Variants in EEFSEC observed in about 807,000 individuals in gnomAD.
The protein encoded by EEFSEC is eukaryotic elongation factor, selenocysteine-tRNA specific.
In EEFSEC, 43 loss-of-function variants were observed where a neutral mutation model predicts 42.1. That is an observed-to-expected ratio of 1.02 (90% CI 0.80 to 1.32). The LOEUF is 1.32. Ranked by LOEUF, EEFSEC falls within the 40% of genes most tolerant of loss-of-function variation. EEFSEC has a pLI of 0.00. For synonymous variants in EEFSEC, 354 were observed against 339.1 expected (o/e 1.04, Z -0.48); for missense variants, 745 against 803.6 (o/e 0.93, Z 0.88).
chr3:128,387,624 C>A (rs2067856972), intron 6 of EEFSEC, among the ~76,000 whole-genome samples: 1 of 152,102 alleles, frequency 6.6e-6, no homozygotes, highest in Non-Finnish European at 1.5e-5. Context: ...GGAGAGGAGG[C>A]TATGGACTGG....
chr3:128,378,261 AG>A (rs1212600685), intron 6 of EEFSEC, among the ~76,000 whole-genome samples: 1 of 152,178 alleles, frequency 6.6e-6, no homozygotes, highest in African/African-American at 2.4e-5. Context: ...CCCCATGCTG[AG>A]TCACGAACCC....
At chr3:128,301,250 G>T (rs537965228) in intron 4 of EEFSEC, among the ~76,000 whole-genome samples, 16 of 152,240 alleles carry the variant, frequency 1.1e-4, no homozygotes, top group African/African-American at 3.4e-4. Context: ...TAACTGGGAG[G>T]CCCCGCAGCT....
chr3:128,167,708 T>C (rs2065255282), intron 1 of EEFSEC, among the ~76,000 whole-genome samples: 1 of 152,204 alleles, frequency 6.6e-6, no homozygotes, highest in African/African-American at 2.4e-5. Flanking sequence ...GGCCCTGTTG[T>C]TTTAGAGAAG....
intron 4 of EEFSEC, among the ~76,000 whole-genome samples, chr3:128,291,180 C>T (rs946198369): frequency 6.6e-6 from 1 of 151,932 alleles, no homozygotes; most frequent in Non-Finnish European, 1.5e-5. Context: ...TATTATTTGA[C>T]ACTGTTGAAA....
intron 6 of EEFSEC, among the ~76,000 whole-genome samples, chr3:128,385,042 T>C (rs1260079755): frequency 6.6e-6 from 1 of 152,178 alleles, no homozygotes; most frequent in East Asian, 1.9e-4. Flanking sequence ...CCAAACCCCA[T>C]AGATGTCAGG....
chr3:128,384,768 C>T (rs1453238915), intron 6 of EEFSEC, among the ~76,000 whole-genome samples: 3 of 152,174 alleles, frequency 2.0e-5, no homozygotes, highest in Admixed American at 2.0e-4. Flanking sequence ...ATTTGCTGGG[C>T]TAGTGCACAG....
At chr3:128,362,963 G>A (rs147921803) in intron 6 of EEFSEC, among the ~76,000 whole-genome samples, 77 of 152,196 alleles carry the variant, frequency 5.1e-4, no homozygotes, top group African/African-American at 1.8e-3. Context: ...ACAAATTAAT[G>A]TACTCCAGAT....
chr3:128,190,999 G>A (rs1403075888), intron 1 of EEFSEC, among the ~76,000 whole-genome samples: 2 of 151,630 alleles, frequency 1.3e-5, no homozygotes, highest in Admixed American at 1.3e-4. Flanking sequence ...TGTAGCCTAG[G>A]AGCAATAGGC....
the EEFSEC span, among the ~76,000 whole-genome samples, chr3:128,425,423 CT>C: frequency 6.6e-6 from 1 of 152,192 alleles, no homozygotes; most frequent in South Asian, 2.1e-4. Context: ...ACTCGGGCTG[CT>C]TCCAGTTTGG....
At chr3:128,206,193 T>C (rs2065695021) in intron 1 of EEFSEC, among the ~76,000 whole-genome samples, 1 of 152,162 alleles carries the variant, frequency 6.6e-6, no homozygotes, top group South Asian at 2.1e-4. Context: ...GGAACACCTT[T>C]CTGGGAAGAG....
intron 4 of EEFSEC, among the ~76,000 whole-genome samples, chr3:128,284,253 CT>C (rs993778773): frequency 6.6e-6 from 1 of 152,200 alleles, no homozygotes; most frequent in Non-Finnish European, 1.5e-5. Flanking sequence ...GTATTTCATA[CT>C]CCCGCCTTTC....
intron 6 of EEFSEC, among the ~76,000 whole-genome samples, chr3:128,402,263 G>A (rs1277524075): frequency 1.3e-5 from 2 of 152,158 alleles, no homozygotes; most frequent in African/African-American, 4.8e-5. Flanking sequence ...TTCATCCCAG[G>A]GCTGCAGCAG....
intron 1 of EEFSEC, among the ~76,000 whole-genome samples, chr3:128,219,260 T>TA (rs1559873511): frequency 6.6e-6 from 1 of 152,244 alleles, no homozygotes; most frequent in Admixed American, 6.5e-5. Context: ...TGTCCTTTGA[T>TA]ATACATTGTC....
chr3:128,425,355 T>G, the EEFSEC span, among the ~76,000 whole-genome samples: 1 of 152,234 alleles, frequency 6.6e-6, no homozygotes, highest in Admixed American at 6.5e-5. Flanking sequence ...CTTGGGTCAC[T>G]GAGCAGGGCC....
intron 4 of EEFSEC, among the ~76,000 whole-genome samples, chr3:128,338,987 G>A (rs1411353757): frequency 2.6e-5 from 4 of 152,190 alleles, no homozygotes; most frequent in African/African-American, 4.8e-5. Context: ...TTAGAAAGCC[G>A]CACAGGCTGC....
At chr3:128,178,306 A>G (rs953153631) in intron 1 of EEFSEC, among the ~76,000 whole-genome samples, 28 of 152,228 alleles carry the variant, frequency 1.8e-4, no homozygotes, top group African/African-American at 6.8e-4. Context: ...GAAAATTTCT[A>G]GCATATAAAG....
chr3:128,272,051 A>G (rs1020740196), intron 4 of EEFSEC, among the ~76,000 whole-genome samples: 1 of 152,186 alleles, frequency 6.6e-6, no homozygotes, highest in African/African-American at 2.4e-5. Flanking sequence ...TAGGAAACAG[A>G]TAGGCTCAGG....
chr3:128,155,036 A>G (rs1182354354), intron 1 of EEFSEC, among the ~76,000 whole-genome samples: 3 of 152,294 alleles, frequency 2.0e-5, no homozygotes, highest in African/African-American at 7.2e-5. Flanking sequence ...TAAGACAAAC[A>G]TTCCCTTACC....
chr3:128,362,176 G>C (rs369415449), intron 6 of EEFSEC: 48 of 515,930 alleles, frequency 9.3e-5, no homozygotes, highest in Non-Finnish European at 1.6e-4. Flanking sequence ...CTGTCCCACC[G>C]CTGCCACCCT....
Sources: allele counts gnomAD v4.1 joint callset (sites outside exome capture counted in the v4.1 genomes callset), GRCh38; gene constraint gnomAD v4.1.1; transcripts MANE v1.5; gene names NCBI Gene and HGNC (gene_info 2026-07-23, HGNC 2026-07-21).